The following CCL28 variants were observed in gnomAD, a reference collection of about 807,000 sequenced individuals.
CCL28 encodes C-C motif chemokine ligand 28.
CCL28 carries 4 observed loss-of-function variants against 7.1 expected under a neutral mutation model. The observed-to-expected ratio is 0.56, with a 90% CI of 0.28 to 1.29. The LOEUF (loss-of-function observed/expected upper bound fraction) is 1.29, where lower values mean the gene tolerates loss of function less well. Ranked by LOEUF, CCL28 falls within the 50% of genes most tolerant of loss-of-function variation. The probability of loss-of-function intolerance (pLI) is 0.11; values close to 1 mark genes in which losing one functional copy is unlikely to be tolerated. For synonymous variants in CCL28, 55 were observed against 57.8 expected, an observed-to-expected ratio of 0.95 and a Z score of 0.22; for missense variants, 151 against 163.4, an observed-to-expected ratio of 0.92 and a Z score of 0.41.
At chr5:43,396,505 G>A (rs1023478221) in intron 1 of CCL28, among the ~76,000 whole-genome samples, 1 of 152,126 alleles carries the variant, frequency 6.6e-6, no homozygotes, top group Admixed American at 6.5e-5. Flanking sequence ...CAGCCTGGGC[G>A]ACAGAGACCT....
chr5:43,407,949 C>G (rs896133972), intron 1 of CCL28, among the ~76,000 whole-genome samples: 16 of 152,336 alleles, frequency 1.1e-4, no homozygotes, highest in African/African-American at 3.8e-4. Context: ...GATACCATCT[C>G]ACACCAGTTA....
the CCL28 span, among the ~76,000 whole-genome samples, chr5:43,359,648 C>T: frequency 6.6e-6 from 1 of 152,156 alleles, no homozygotes; most frequent in Admixed American, 6.5e-5. Flanking sequence ...CAATAAGCAG[C>T]CATTGTTCCC....
the CCL28 span, among the ~76,000 whole-genome samples, chr5:43,363,346 A>G: frequency 6.6e-6 from 1 of 152,228 alleles, no homozygotes; most frequent in Non-Finnish European, 1.5e-5. Context: ...GAAACACACT[A>G]GACATGGCTC....
chr5:43,395,351 T>C (rs1377208418), intron 1 of CCL28, among the ~76,000 whole-genome samples: 5 of 152,016 alleles, frequency 3.3e-5, no homozygotes, highest in Non-Finnish European at 5.9e-5. Flanking sequence ...ATTCTTAGTG[T>C]TTGAAGTGAA....
the CCL28 span, among the ~76,000 whole-genome samples, chr5:43,369,451 TTC>T: frequency 1.3e-5 from 2 of 152,274 alleles, no homozygotes; most frequent in East Asian, 3.9e-4. Flanking sequence ...TTGAGATGGA[TTC>T]TCTCTCTGCT....
At chr5:43,384,908 C>CTT (rs750994278) in intron 2 of CCL28, among the ~76,000 whole-genome samples, 36 of 143,394 alleles carry the variant, frequency 2.5e-4, no homozygotes, top group African/African-American at 6.9e-4. Context: ...ACATAAACAA[C>CTT]TTTTTTTTTT....
chr5:43,365,460 G>GCA, the CCL28 span, among the ~76,000 whole-genome samples: 1 of 152,168 alleles, frequency 6.6e-6, no homozygotes, highest in Non-Finnish European at 1.5e-5. Context: ...TCTTCATAAT[G>GCA]TCGATGGTCT....
intron 1 of CCL28, among the ~76,000 whole-genome samples, chr5:43,407,507 G>C (rs1741334546): frequency 6.6e-6 from 1 of 152,214 alleles, no homozygotes; most frequent in African/African-American, 2.4e-5. Flanking sequence ...ATGGATTAAA[G>C]ACTTAAGTGT....
At chr5:43,376,189 G>C (rs955721092), downstream of CCL28, among the ~76,000 whole-genome samples, 1 of 152,214 alleles carries the variant, frequency 6.6e-6, no homozygotes, top group African/African-American at 2.4e-5. Context: ...TACCAGGGCA[G>C]AAAATTTAGG....
chr5:43,389,633 AC>A (rs1740489221), intron 1 of CCL28, among the ~76,000 whole-genome samples: 1 of 152,234 alleles, frequency 6.6e-6, no homozygotes, highest in Non-Finnish European at 1.5e-5. Context: ...ATCAATTCAA[AC>A]AGTCTTAAGC....
chr5:43,403,227 G>A (rs1290808504), intron 1 of CCL28, among the ~76,000 whole-genome samples: 1 of 152,208 alleles, frequency 6.6e-6, no homozygotes, highest in Non-Finnish European at 1.5e-5. Flanking sequence ...GTGGGTCCCT[G>A]ACCCCTGAGT....
At chr5:43,377,716 A>ATTTT (rs1561151287), downstream of CCL28, among the ~76,000 whole-genome samples, 6 of 45,658 alleles carry the variant, frequency 1.3e-4, no homozygotes, top group African/African-American at 6.7e-4. Flanking sequence ...TAGAACTTAA[A>ATTTT]CTTTTTTTTT....
chr5:43,404,192 G>A (rs2111882554), intron 1 of CCL28, among the ~76,000 whole-genome samples: 1 of 152,222 alleles, frequency 6.6e-6, no homozygotes, highest in South Asian at 2.1e-4. Context: ...GAGCAACTCT[G>A]AGACACATAA....
At chr5:43,369,148 G>T in the CCL28 span, among the ~76,000 whole-genome samples, 1 of 149,972 alleles carries the variant, frequency 6.7e-6, no homozygotes, top group Non-Finnish European at 1.5e-5. Context: ...TCTCACTTTT[G>T]CTGTATTTTA....
downstream of CCL28, among the ~76,000 whole-genome samples, chr5:43,375,159 T>G (rs1739861349): frequency 6.6e-6 from 1 of 151,638 alleles, no homozygotes; most frequent in Non-Finnish European, 1.5e-5. Flanking sequence ...TCAGCTAATT[T>G]TTTGTATTTT....
At chr5:43,362,175 C>T in the CCL28 span, among the ~76,000 whole-genome samples, 2 of 152,056 alleles carry the variant, frequency 1.3e-5, no homozygotes, top group Admixed American at 1.3e-4. Context: ...TTTCTTTGAG[C>T]TGTGTTTTGT....
downstream of CCL28, among the ~76,000 whole-genome samples, chr5:43,374,095 G>A (rs552759215): frequency 5.9e-5 from 9 of 152,342 alleles, no homozygotes; most frequent in East Asian, 1.7e-3. Context: ...AAGAGTGCAT[G>A]ACTGCTCTGT....
intron 1 of CCL28, among the ~76,000 whole-genome samples, chr5:43,411,156 G>A (rs1044176273): frequency 2.0e-5 from 3 of 152,190 alleles, no homozygotes; most frequent in African/African-American, 4.8e-5. Context: ...GTGTATGTAT[G>A]AGTATGTACA....
At chr5:43,408,796 G>T (rs2111918589) in intron 1 of CCL28, among the ~76,000 whole-genome samples, 1 of 151,718 alleles carries the variant, frequency 6.6e-6, no homozygotes, top group South Asian at 2.1e-4. Context: ...TTTTATATTT[G>T]AAAATACACT....
Sources: gnomAD v4.1 joint callset for allele counts (sites outside exome capture counted in the v4.1 genomes callset) on GRCh38, gnomAD v4.1.1 for gene constraint, MANE v1.5 for transcripts, NCBI Gene and HGNC (gene_info 2026-07-23, HGNC 2026-07-21) for gene names.